CNBD1: variants seen among roughly 807,000 people sequenced by gnomAD.
CNBD1 encodes the protein cyclic nucleotide binding domain containing 1.
A neutral mutation model predicts 54.4 loss-of-function variants in CNBD1; 71 were observed. The observed-to-expected ratio is 1.30, with a 90% CI of 1.08 to 1.59. CNBD1 has a LOEUF of 1.59. Ranked by LOEUF, CNBD1 falls within the 40% of genes most tolerant of loss-of-function variation. The pLI is 0.00. For missense variants in CNBD1, 659 were observed against 518.0 expected, an observed-to-expected ratio of 1.27 and a Z score of -2.64; for synonymous variants, 182 against 170.7, an observed-to-expected ratio of 1.07 and a Z score of -0.51.
chr8:87,080,346 G>T (rs1292719042), intron 4 of CNBD1, among the ~76,000 whole-genome samples: 1 of 152,128 alleles, frequency 6.6e-6, no homozygotes, highest in Non-Finnish European at 1.5e-5. Flanking sequence ...CACTTTGGGA[G>T]GCCGAGGCAG....
chr8:87,033,479 C>A (rs1809838871), intron 4 of CNBD1, among the ~76,000 whole-genome samples: 1 of 152,182 alleles, frequency 6.6e-6, no homozygotes, highest in African/African-American at 2.4e-5. Flanking sequence ...TCCAGGCCTT[C>A]TTTTTGTACA....
intron 4 of CNBD1, among the ~76,000 whole-genome samples, chr8:87,101,104 G>T (rs1354646978): frequency 6.6e-6 from 1 of 152,146 alleles, no homozygotes; most frequent in Admixed American, 6.5e-5. Context: ...TAAATCCAGA[G>T]AATCTACAAT....
chr8:86,866,565 C>G lies in CNBD1; in HGVS notation c.70C>G (p.Pro24Ala). 1 of 1,609,824 alleles carries G rather than the reference C, an allele frequency of 6.2e-7. No homozygotes were observed. The highest frequency in any genetic ancestry group is 8.5e-7 in the Non-Finnish European group (1 of 1,177,614). ...MTAINNVPPP[P>A]LHSIPNLKKS... ...AGCTATTAACAATGTGCCTCCTCCT[C>G]CACTTCACAGTATACCAAGTGAGTG... The change falls in exon 1 of 11, where the codon CCA (proline) becomes GCA (alanine). Residue 24 changes from proline to alanine, a missense_variant. Coordinates refer to ENST00000518476, the MANE Select transcript of CNBD1 (RefSeq NM_173538.3).
At chr8:87,110,486 A>T (rs992014847) in intron 4 of CNBD1, among the ~76,000 whole-genome samples, 1 of 152,154 alleles carries the variant, frequency 6.6e-6, no homozygotes, top group African/African-American at 2.4e-5. Flanking sequence ...AGATGTTGAG[A>T]TTCTTTCTTT....
chr8:87,423,784 G>A (rs995982275), intron 2 of CNBD1, among the ~76,000 whole-genome samples: 9 of 151,964 alleles, frequency 5.9e-5, no homozygotes, highest in African/African-American at 1.9e-4. Flanking sequence ...AATGATGCTG[G>A]CCTCATAAAA....
intron 3 of CNBD1, among the ~76,000 whole-genome samples, chr8:86,922,672 A>G (rs1412612438): frequency 6.6e-6 from 1 of 152,172 alleles, no homozygotes; most frequent in Non-Finnish European, 1.5e-5. Flanking sequence ...AAATCCACTT[A>G]TGATGATAAC....
At chr8:87,215,465 G>A (rs1212243762) in intron 5 of CNBD1, among the ~76,000 whole-genome samples, 3 of 151,936 alleles carry the variant, frequency 2.0e-5, no homozygotes, top group Non-Finnish European at 4.4e-5. Context: ...GCGGGTGCCT[G>A]TAGTCCCAGC....
At chr8:87,393,693 G>A (rs2130971581) in intron 2 of CNBD1, among the ~76,000 whole-genome samples, 1 of 152,002 alleles carries the variant, frequency 6.6e-6, no homozygotes, top group Non-Finnish European at 1.5e-5. Flanking sequence ...TAAATGCCAA[G>A]ATGAGTGGTT....
chr8:87,123,345 A>G (rs1321812964), intron 4 of CNBD1, among the ~76,000 whole-genome samples: 2 of 151,742 alleles, frequency 1.3e-5, no homozygotes, highest in Non-Finnish European at 3.0e-5. Context: ...TGAAACTAGA[A>G]ATCAGTAACA....
chr8:87,051,193 G>C (rs1810303649), intron 4 of CNBD1, among the ~76,000 whole-genome samples: 1 of 152,144 alleles, frequency 6.6e-6, no homozygotes, highest in African/African-American at 2.4e-5. Context: ...TTCAAGTTAA[G>C]GGCTTCCCTG....
At chr8:87,036,050 G>T (rs1192723713) in intron 4 of CNBD1, among the ~76,000 whole-genome samples, 1 of 152,150 alleles carries the variant, frequency 6.6e-6, no homozygotes, top group Non-Finnish European at 1.5e-5. Flanking sequence ...ACGCAGCCTT[G>T]CACCTCCATA....
intron 3 of CNBD1, among the ~76,000 whole-genome samples, chr8:86,916,637 T>C (rs1809189876): frequency 6.6e-6 from 1 of 152,116 alleles, no homozygotes; most frequent in African/African-American, 2.4e-5. Flanking sequence ...TGATTACTAG[T>C]TTCAGGTTTT....
chr8:87,137,408 T>C (rs1046307670), intron 4 of CNBD1, among the ~76,000 whole-genome samples: 1 of 151,524 alleles, frequency 6.6e-6, no homozygotes, highest in African/African-American at 2.4e-5. Flanking sequence ...TTCACTGTGT[T>C]AGCCAGGATG....
At chr8:87,006,407 A>T (rs1045003106) in intron 4 of CNBD1, among the ~76,000 whole-genome samples, 1 of 152,182 alleles carries the variant, frequency 6.6e-6, no homozygotes, top group Non-Finnish European at 1.5e-5. Flanking sequence ...GCATTACTAT[A>T]AAGAAGTACC....
intron 2 of CNBD1, among the ~76,000 whole-genome samples, chr8:87,427,247 G>A (rs1182001687): frequency 1.3e-5 from 2 of 151,904 alleles, no homozygotes; most frequent in South Asian, 4.1e-4. Context: ...TATGTTAGTT[G>A]GCTTGAATGT....
chr8:87,078,107 TAGG>T (rs1257353609), intron 4 of CNBD1, among the ~76,000 whole-genome samples: 1 of 152,152 alleles, frequency 6.6e-6, no homozygotes, highest in Non-Finnish European at 1.5e-5. Context: ...CAGTCTATTG[TAGG>T]AGTTCATTAG....
At chr8:86,980,373 T>C (rs1808453668) in intron 4 of CNBD1, among the ~76,000 whole-genome samples, 1 of 152,244 alleles carries the variant, frequency 6.6e-6, no homozygotes, top group South Asian at 2.1e-4. Flanking sequence ...TGGTATTTTA[T>C]GCCATATTTA....
chr8:87,124,804 C>T (rs923718341), intron 4 of CNBD1, among the ~76,000 whole-genome samples: 1 of 151,480 alleles, frequency 6.6e-6, no homozygotes, highest in Non-Finnish European at 1.5e-5. Flanking sequence ...CTAGCCAGAG[C>T]AATTAGGCAA....
rs533885762 is a variant in CNBD1 at position 87,333,581 on chromosome 8, T to A, written c.1043-18104T>A. Reference sequence around the variant, plus strand: ...CCTAGTTTATTGAGAGTTTTCAACATGAAGTGATGTTGAATTTTATTGAAG... The same window carrying A: ...CCTAGTTTATTGAGAGTTTTCAACAAGAAGTGATGTTGAATTTTATTGAAG... On this transcript the variant is annotated intron_variant, in intron 8 of 10. Transcript: ENST00000518476. Among the ~76,000 whole-genome samples the A allele has an allele frequency of 3.3e-5, 5 of 152,308 alleles. No individual in the cohort carries two copies. The East Asian group carries it at 9.7e-4, about 29-fold the overall frequency.
Sources: allele counts gnomAD v4.1 joint callset (sites outside exome capture counted in the v4.1 genomes callset), GRCh38; gene constraint gnomAD v4.1.1; transcripts MANE v1.5; gene names NCBI Gene and HGNC (gene_info 2026-07-23, HGNC 2026-07-21).